CDYL2: variants seen among roughly 807,000 people sequenced by gnomAD.
CDYL2 encodes chromodomain Y like 2.
In CDYL2, 23 loss-of-function variants were observed where a neutral mutation model predicts 49.4. The observed-to-expected ratio is 0.47, with a 90% CI of 0.34 to 0.66. The LOEUF (loss-of-function observed/expected upper bound fraction) is 0.66. Among genes scored for constraint, CDYL2 ranks in the 30% least tolerant of loss-of-function variants. The probability of loss-of-function intolerance (pLI) is 0.01; values close to 1 mark genes in which losing one functional copy is unlikely to be tolerated. For missense variants in CDYL2, 678 were observed against 656.4 expected (o/e 1.03, Z -0.36); for synonymous variants, 360 against 268.8 (o/e 1.34, Z -3.32).
At chr16:80,712,323 G>A (rs900088704) in intron 1 of CDYL2, among the ~76,000 whole-genome samples, 1 of 151,632 alleles carries the variant, frequency 6.6e-6, no homozygotes, top group Non-Finnish European at 1.5e-5. Context: ...ATCACCTGGA[G>A]ACCATGCATA....
chr16:80,617,830 G>C (rs1906899608), intron 4 of CDYL2, among the ~76,000 whole-genome samples: 1 of 152,134 alleles, frequency 6.6e-6, no homozygotes, highest in African/African-American at 2.4e-5. Flanking sequence ...TTCTCTTAGT[G>C]CTCTCAATCA....
intron 2 of CDYL2, chr16:80,639,828 T>C: frequency 2.3e-6 from 1 of 427,388 alleles, no homozygotes. Context: ...GTAGCAATTG[T>C]GAGGCATTGA....
At chr16:80,687,992 G>A (rs1910266653) in intron 1 of CDYL2, among the ~76,000 whole-genome samples, 2 of 152,200 alleles carry the variant, frequency 1.3e-5, no homozygotes, top group Non-Finnish European at 2.9e-5. Flanking sequence ...GAAGAAGAGA[G>A]AGTATACCTA....
At chr16:80,749,036 T>A (rs1208615101) in intron 1 of CDYL2, among the ~76,000 whole-genome samples, 1 of 152,144 alleles carries the variant, frequency 6.6e-6, no homozygotes, top group Non-Finnish European at 1.5e-5. Context: ...AAACTGGATA[T>A]ACACTGTGGT....
At chr16:80,797,729 T>C (rs1227148161) in intron 1 of CDYL2, among the ~76,000 whole-genome samples, 1 of 152,232 alleles carries the variant, frequency 6.6e-6, no homozygotes, top group African/African-American at 2.4e-5. Context: ...GCTTGACTGA[T>C]ATACCAAATG....
intron 2 of CDYL2, among the ~76,000 whole-genome samples, chr16:80,666,500 G>A (rs74831267): frequency 0.024 from 3,638 of 152,210 alleles, 158 homozygotes; most frequent in African/African-American, 0.084. Flanking sequence ...GGAGCCTGGC[G>A]CTTTATTAAG....
At chr16:80,668,940 C>T (rs1245820081) in intron 2 of CDYL2, among the ~76,000 whole-genome samples, 1 of 151,702 alleles carries the variant, frequency 6.6e-6, no homozygotes, top group African/African-American at 2.4e-5. Context: ...AAATTAAATG[C>T]TTATATTTTC....
chr16:80,632,611 A>G lies in CDYL2; in HGVS notation c.834+408T>C, dbSNP rs796355235. On this transcript the variant is annotated intron_variant, in intron 3 of 6. Transcript: ENST00000570137. ...TTATATATACAATATGTAGTAACATATATATGTATTATAAACTGAGTGAGA... is the reference window on the plus strand; with the variant it reads ...TTATATATACAATATGTAGTAACATGTATATGTATTATAAACTGAGTGAGA... The G allele has an allele frequency of 1.0e-4, 21 of 210,292 alleles. 1 individual carries two copies. In the South Asian group the frequency reaches 1.9e-3, roughly 19 times the overall value. The allele number at this position is 210,292 out of a possible 1,614,324, so 13.0% of individuals were successfully genotyped here. A position where few individuals can be genotyped will look rare whatever the true frequency, so the allele number is the denominator to read the frequency against.
chr16:80,629,396 C>A (rs758754069), intron 3 of CDYL2, among the ~76,000 whole-genome samples: 1 of 152,138 alleles, frequency 6.6e-6, no homozygotes, highest in African/African-American at 2.4e-5. Context: ...GGTGAACCGG[C>A]CTTGAGACAG....
intron 1 of CDYL2, among the ~76,000 whole-genome samples, chr16:80,711,501 C>A (rs1368282319): frequency 1.3e-5 from 2 of 152,124 alleles, no homozygotes; most frequent in African/African-American, 4.8e-5. Flanking sequence ...ATTTCCCATA[C>A]GCAAAAGCTT....
intron 2 of CDYL2, among the ~76,000 whole-genome samples, chr16:80,641,759 A>G (rs1294837777): frequency 2.8e-5 from 2 of 70,254 alleles, no homozygotes; most frequent in East Asian, 1.1e-3. Flanking sequence ...GGGTGGGGGG[A>G]GGGGGGAGGG....
At chr16:80,729,657 A>G (rs1905266129) in intron 1 of CDYL2, among the ~76,000 whole-genome samples, 1 of 152,196 alleles carries the variant, frequency 6.6e-6, no homozygotes, top group Non-Finnish European at 1.5e-5. Context: ...CATTTTTTTC[A>G]GCACCACACC....
intron 1 of CDYL2, among the ~76,000 whole-genome samples, chr16:80,783,532 G>A (rs1256184346): frequency 1.3e-5 from 2 of 152,160 alleles, no homozygotes; most frequent in African/African-American, 2.4e-5. Flanking sequence ...GACTCAAACA[G>A]ATACTGGTAA....
At chr16:80,742,763 T>C (rs542411264) in intron 1 of CDYL2, among the ~76,000 whole-genome samples, 1 of 148,144 alleles carries the variant, frequency 6.8e-6, no homozygotes, top group Non-Finnish European at 1.5e-5. Flanking sequence ...GATGGATAGA[T>C]GGATTGATGG....
chr16:80,621,909 T>A (rs569735167), intron 3 of CDYL2, among the ~76,000 whole-genome samples: 1 of 152,182 alleles, frequency 6.6e-6, no homozygotes, highest in Non-Finnish European at 1.5e-5. Context: ...CAACAAGTGC[T>A]ACCTTAGCAG....
intron 3 of CDYL2, among the ~76,000 whole-genome samples, chr16:80,631,632 A>T (rs1382902136): frequency 6.6e-6 from 1 of 152,250 alleles, no homozygotes; most frequent in African/African-American, 2.4e-5. Context: ...ATAGGAGAAC[A>T]TATTTTCAAG....
intron 1 of CDYL2, among the ~76,000 whole-genome samples, chr16:80,797,396 G>C (rs1907797440): frequency 6.6e-6 from 1 of 152,114 alleles, no homozygotes; most frequent in African/African-American, 2.4e-5. Context: ...CATCAATCAA[G>C]TTTTATTTCA....
At chr16:80,728,407 A>C (rs567087148) in intron 1 of CDYL2, among the ~76,000 whole-genome samples, 1 of 152,274 alleles carries the variant, frequency 6.6e-6, no homozygotes, top group East Asian at 1.9e-4. Context: ...AAAAAGAATA[A>C]AAAGAAACGA....
intron 1 of CDYL2, among the ~76,000 whole-genome samples, chr16:80,801,340 G>C (rs902946189): frequency 6.6e-6 from 1 of 152,224 alleles, no homozygotes; most frequent in African/African-American, 2.4e-5. Context: ...TATGATTGAA[G>C]AGTGCTATTA....
Sources: gnomAD v4.1 joint callset for allele counts (sites outside exome capture counted in the v4.1 genomes callset) on GRCh38, gnomAD v4.1.1 for gene constraint, MANE v1.5 for transcripts, NCBI Gene and HGNC (gene_info 2026-07-23, HGNC 2026-07-21) for gene names.